Variants in RBMS3 observed in about 807,000 individuals in gnomAD.
The protein encoded by RBMS3 is RNA binding motif single stranded interacting protein 3.
A neutral mutation model predicts 66.8 loss-of-function variants in RBMS3; 27 were observed. That is an observed-to-expected ratio of 0.40 (90% CI 0.30 to 0.56). The LOEUF (loss-of-function observed/expected upper bound fraction) is 0.56. Among genes scored for constraint, RBMS3 ranks in the 20% least tolerant of loss-of-function variants. The pLI is 0.40. For synonymous variants in RBMS3, 188 were observed against 183.0 expected (o/e 1.03, Z -0.22); for missense variants, 513 against 549.5 (o/e 0.93, Z 0.66).
intron 13 of RBMS3, among the ~76,000 whole-genome samples, chr3:29,989,298 C>CAGGGG (rs1698660318): frequency 6.6e-6 from 1 of 152,118 alleles, no homozygotes; most frequent in South Asian, 2.1e-4. Flanking sequence ...ATGGAGAGGG[C>CAGGGG]ATAGAGCTAT....
At chr3:29,992,091 A>G (rs1440486547) in intron 14 of RBMS3, among the ~76,000 whole-genome samples, 2 of 152,154 alleles carry the variant, frequency 1.3e-5, no homozygotes, top group Admixed American at 6.5e-5. Context: ...CATGCAAACT[A>G]TTCAACTTTG....
At chr3:29,676,539 T>C (rs577530940) in intron 4 of RBMS3, among the ~76,000 whole-genome samples, 1 of 152,344 alleles carries the variant, frequency 6.6e-6, no homozygotes, top group East Asian at 1.9e-4. Context: ...TTTTATAAGA[T>C]TTACATTTTA....
At chr3:29,591,702 G>C (rs115406319) in intron 4 of RBMS3, among the ~76,000 whole-genome samples, 1 of 152,160 alleles carries the variant, frequency 6.6e-6, no homozygotes, top group Non-Finnish European at 1.5e-5. Flanking sequence ...ATTATTACCA[G>C]CCAGTCCTTG....
chr3:29,350,571 G>C (rs2125557447), intron 1 of RBMS3, among the ~76,000 whole-genome samples: 1 of 152,168 alleles, frequency 6.6e-6, no homozygotes, highest in East Asian at 1.9e-4. Context: ...GACAGTACAG[G>C]GGCCACAGAG....
At chr3:29,832,416 T>C (rs2149490160) in intron 6 of RBMS3, among the ~76,000 whole-genome samples, 1 of 152,298 alleles carries the variant, frequency 6.6e-6, no homozygotes, top group East Asian at 1.9e-4. Context: ...TGAGAGTACC[T>C]TTGTGGGAGC....
rs573527590 is a variant in RBMS3, at chr3:29,882,159, G to T, written c.745-2003G>T. On this transcript the variant is annotated intron_variant, in intron 7 of 14. Transcript: ENST00000383767. ...TACGACTGCCCTTTCCTGTGCCTGAGACCAGAGAGTTTCAGCTAAGTCCTA... is the reference window on the plus strand; with the variant it reads ...TACGACTGCCCTTTCCTGTGCCTGATACCAGAGAGTTTCAGCTAAGTCCTA... 6.6e-5 allele frequency among the ~76,000 whole-genome samples: 10 copies of T among 152,124 alleles called. No individual in the cohort carries two copies. The South Asian group carries it at 1.9e-3, about 28-fold the overall frequency.
intron 4 of RBMS3, among the ~76,000 whole-genome samples, chr3:29,682,648 G>A (rs910980114): frequency 5.9e-5 from 9 of 152,276 alleles, no homozygotes; most frequent in Admixed American, 3.3e-4. Context: ...TTTGGGGAGC[G>A]AACTGCTGCA....
At chr3:29,587,241 TTTTTTTTTG>T (rs2047558546) in intron 4 of RBMS3, 36 bp downstream of exon 4, 4 of 840,866 alleles carry the variant, frequency 4.8e-6, no homozygotes, top group Non-Finnish European at 3.3e-6. Context: ...TTTTTTTTTT[TTTTTTTTTG>T]TGTGTGTGTG....
At chr3:29,526,198 C>T (rs1349561170) in intron 3 of RBMS3, 1 of 152,090 alleles carries the variant, frequency 6.6e-6, no homozygotes, top group South Asian at 2.1e-4. Flanking sequence ...TTAATAAGAT[C>T]CCTTCTTGTT....
At chr3:29,461,727 C>A (rs1248291784) in intron 2 of RBMS3, among the ~76,000 whole-genome samples, 1 of 151,586 alleles carries the variant, frequency 6.6e-6, no homozygotes, top group East Asian at 1.9e-4. Context: ...GGGTAAGATA[C>A]TTAATTTTCT....
intron 10 of RBMS3, among the ~76,000 whole-genome samples, chr3:29,928,638 AT>A (rs962168548): frequency 1.3e-5 from 2 of 152,136 alleles, no homozygotes; most frequent in African/African-American, 4.8e-5. Context: ...CAACACATGT[AT>A]TTTTATGTAA....
At chr3:29,771,875 C>T (rs565533001) in intron 6 of RBMS3, among the ~76,000 whole-genome samples, 2 of 151,930 alleles carry the variant, frequency 1.3e-5, no homozygotes, top group African/African-American at 2.4e-5. Flanking sequence ...CTCATTATCA[C>T]GAGAATAGCA....
chr3:29,903,279 G>C lies in RBMS3; in HGVS notation c.939+3524G>C, dbSNP rs72848073. 3 of 151,994 alleles carry C rather than the reference G, an allele frequency of 2.0e-5. No homozygotes were observed. The South Asian group carries it at 6.2e-4, about 32-fold the overall frequency. The allele number at this position is 151,994 out of a possible 1,614,324, so 9.4% of individuals were successfully genotyped here. A position where few individuals can be genotyped will look rare whatever the true frequency, so the allele number is the denominator to read the frequency against. On this transcript the variant is annotated intron_variant, in intron 10 of 14. Coordinates refer to ENST00000383767, the MANE Select transcript of RBMS3 (RefSeq NM_001003793.3). ...TGTCAAACCCCACGTAGAGAATCAAGAGCATTTCTGTTTGCCTTTTGTTAT... is the reference window on the plus strand; with the variant it reads ...TGTCAAACCCCACGTAGAGAATCAACAGCATTTCTGTTTGCCTTTTGTTAT...
At chr3:29,694,444 A>G (rs1218156475) in intron 4 of RBMS3, among the ~76,000 whole-genome samples, 1 of 152,182 alleles carries the variant, frequency 6.6e-6, no homozygotes, top group African/African-American at 2.4e-5. Context: ...TGCTTTAAAA[A>G]TATTTCATAG....
chr3:29,681,457 T>G (rs949268665), intron 4 of RBMS3, among the ~76,000 whole-genome samples: 2 of 152,138 alleles, frequency 1.3e-5, no homozygotes, highest in Non-Finnish European at 2.9e-5. Flanking sequence ...ACCCAAGTAT[T>G]AAGCCCAGCA....
chr3:29,691,949 A>ATTTTTTTTTTTTTTTTTTTTTTTTT lies in RBMS3; in HGVS notation c.400-47753_400-47752insTTTTTTTTTTTTTTTTTTTTTTTTT, dbSNP rs1294126975. Among the ~76,000 whole-genome samples, 16 of 64,992 alleles carry ATTTTTTTTTTTTTTTTTTTTTTTTT rather than the reference A, an allele frequency of 2.5e-4. 5 individuals carry two copies. The highest frequency in any genetic ancestry group is 6.1e-4 in the African/African-American group (10 of 16,352). 42.6% of individuals were successfully genotyped at this position (64,992 alleles called of 152,430 possible). ...GTGACCCTTCTCTCTCTCTCTCTCT[A>ATTTTTTTTTTTTTTTTTTTTTTTTT]TTTTTTTTTTTTTTTTTTGAGATGG... On this transcript the variant is annotated intron_variant, in intron 4 of 14. Transcript: ENST00000383767.
At position 29,931,937 on chromosome 3, in the gene RBMS3, C is replaced by T. The variant is rs544428774; in HGVS notation, c.940-4149C>T. Among the ~76,000 whole-genome samples, 22 of 152,188 alleles carry T rather than the reference C, an allele frequency of 1.4e-4. No homozygotes were observed. In the East Asian group the frequency reaches 3.7e-3, roughly 25 times the overall value. ...TTTTGTGTGAATAACTATAGGCAAT[C>T]GTATAATACAAATCACAGACATTTT... is the stretch of plus-strand genomic sequence containing the variant. On this transcript the variant is annotated intron_variant, in intron 10 of 14. Coordinates refer to ENST00000383767, the MANE Select transcript of RBMS3 (RefSeq NM_001003793.3).
At chr3:29,922,647 T>C (rs2060822974) in intron 10 of RBMS3, among the ~76,000 whole-genome samples, 1 of 152,202 alleles carries the variant, frequency 6.6e-6, no homozygotes, top group Admixed American at 6.5e-5. Context: ...TTGGCATATA[T>C]ACTATAATTT....
At chr3:29,483,595 C>T (rs949143347) in intron 2 of RBMS3, among the ~76,000 whole-genome samples, 2 of 152,174 alleles carry the variant, frequency 1.3e-5, no homozygotes, top group Non-Finnish European at 2.9e-5. Flanking sequence ...TGGAGAACCA[C>T]TTACTTTGAG....
Sources: gnomAD v4.1 joint callset for allele counts (sites outside exome capture counted in the v4.1 genomes callset) on GRCh38, gnomAD v4.1.1 for gene constraint, MANE v1.5 for transcripts, NCBI Gene and HGNC (gene_info 2026-07-23, HGNC 2026-07-21) for gene names.